SPATA31E1: variants seen among roughly 807,000 people sequenced by gnomAD.
The protein encoded by SPATA31E1 is SPATA31 subfamily E member 1.
A neutral mutation model predicts 12.9 loss-of-function variants in SPATA31E1; 7 were observed. The ratio of observed to expected loss-of-function variants is 0.54; its 90% CI spans 0.31 to 1.02. SPATA31E1 has a LOEUF of 1.02. Ranked by LOEUF, SPATA31E1 falls within the 50% of genes least tolerant of loss-of-function variation. The pLI is 0.05. For synonymous variants in SPATA31E1, 771 were observed against 719.0 expected (o/e 1.07, Z -1.16); for missense variants, 1,961 against 1,799.8 (o/e 1.09, Z -1.62).
chr9:87,884,900 T>A lies in SPATA31E1; in HGVS notation c.426-13T>A. The A allele has an allele frequency of 6.3e-7, 1 of 1,595,192 alleles. No individual in the cohort carries two copies. Among genetic ancestry groups the A allele is most frequent in the South Asian group, 1.1e-5 (1 of 88,624 alleles). ...TACCCCTGGCTGCAGCTTGTGCCTC[T>A]TGTCTCCTGCAGCCACCTGAGGAAG... On this transcript the variant is annotated splice_polypyrimidine_tract_variant and intron_variant, in intron 3 of 3. Coordinates refer to ENST00000325643, the MANE Select transcript of SPATA31E1 (RefSeq NM_178828.5).
chr9:87,883,885 C>A (rs1003879043), intron 1 of SPATA31E1, 107 bp from the exon 2 acceptor site: 107 of 1,236,680 alleles, frequency 8.7e-5, no homozygotes, highest in Non-Finnish European at 1.1e-4. Context: ...GCTCCCTGAG[C>A]TAGAGGCTGA....
Position 87,885,631 on chromosome 9 carries a change from G to GA in SPATA31E1, c.1147dup (p.Arg383LysfsTer42), listed in dbSNP as rs1275219756. The GA allele has an allele frequency of 6.2e-7, 1 of 1,613,788 alleles. No homozygotes were observed. Among genetic ancestry groups the GA allele is most frequent in the African/African-American group, 1.3e-5 (1 of 74,870 alleles). On this transcript the variant is annotated frameshift_variant, in exon 4 of 4. Transcript: ENST00000325643. LOFTEE classifies it low-confidence loss of function (END_TRUNC). ...ACTGATGAAGATGTGGCAGGAGAAA[G>GA]AAAGAAAACGGGCCGACCACCCGCA...
chr9:87,884,814 T>C lies in SPATA31E1; in HGVS notation c.426-99T>C, dbSNP rs527362990. On this transcript the variant is annotated intron_variant, in intron 3 of 3. Transcript: ENST00000325643. ...GGCAGAGCTTTATGAAGTCAGCAGTTGGGGAGGTGGAGGAACCGGGGGCCC... is the reference window on the plus strand; with the variant it reads ...GGCAGAGCTTTATGAAGTCAGCAGTCGGGGAGGTGGAGGAACCGGGGGCCC... 8 of 1,461,288 alleles carry C rather than the reference T, an allele frequency of 5.5e-6. No individual in the cohort carries two copies. In the African/African-American group the frequency reaches 7.0e-5, roughly 13 times the overall value. 90.5% of individuals were successfully genotyped at this position (1,461,288 alleles called of 1,614,324 possible).
chr9:87,887,994 C>G lies in SPATA31E1; in HGVS notation c.3507C>G (p.Ala1169=). ...TGACAGCTTCCCAGGGGCCATGTGC[C>G]CTCCTATGGAAGGGAGGGGACAGTC... ...KNMTASQGPC[A]LLWKGGDSPG... The change falls in exon 4 of 4, where the codon GCC becomes GCG. Residue 1169 remains alanine (A), a synonymous_variant. Coordinates refer to ENST00000325643, the MANE Select transcript of SPATA31E1 (RefSeq NM_178828.5). 6.2e-7 allele frequency: 1 copy of G among 1,613,652 alleles called. No homozygotes were observed. The highest frequency in any genetic ancestry group is 1.1e-5 in the South Asian group (1 of 91,082).
At position 87,887,064 on chromosome 9, in the gene SPATA31E1, T is replaced by G; in HGVS notation, c.2577T>G (p.Asn859Lys). ...GTDLQSLEPI[N>K]VWSGEAQAPP... is the part of the protein sequence containing the mutation. ...ACCTCCAGTCCCTGGAGCCCATAAATGTCTGGTCAGGTGAGGCTCAGGCCC... is the reference window on the plus strand; with the variant it reads ...ACCTCCAGTCCCTGGAGCCCATAAAGGTCTGGTCAGGTGAGGCTCAGGCCC... Residue 859 changes from asparagine to lysine, a missense_variant, in exon 4 of 4, where the codon AAT (asparagine) becomes AAG (lysine). Asn to Lys is a moderately conservative substitution (Grantham distance 94, BLOSUM62 0). Transcript: ENST00000325643. The G allele has an allele frequency of 6.2e-7, 1 of 1,614,060 alleles. No individual in the cohort carries two copies. Among genetic ancestry groups the G allele is most frequent in the Non-Finnish European group, 8.5e-7 (1 of 1,179,990 alleles).
chr9:87,887,593 C>G lies in SPATA31E1; in HGVS notation c.3106C>G (p.Leu1036Val), dbSNP rs747671344. The change falls in exon 4 of 4, where the codon CTG becomes GTG. Residue 1036 changes from leucine (L) to valine (V), a missense_variant. Coordinates refer to ENST00000325643, the MANE Select transcript of SPATA31E1 (RefSeq NM_178828.5). ...WARAEDALQA[L>V]KVGEKPPTWE... The stretch of plus-strand genomic sequence containing the variant: ...AAGGGCTGAAGATGCCCTGCAGGCA[C>G]TGAAAGTGGGGGAGAAGCCCCCAAC... The G allele has an allele frequency of 3.7e-6, 6 of 1,614,162 alleles. No homozygotes were observed. In the Admixed American group the frequency reaches 8.3e-5, roughly 22 times the overall value.
At position 87,884,941 on chromosome 9, in the gene SPATA31E1, A is replaced by C. The variant is rs760878036; in HGVS notation, c.454A>C (p.Ser152Arg). The C allele has an allele frequency of 6.2e-7, 1 of 1,611,188 alleles. No homozygotes were observed. The highest frequency in any genetic ancestry group is 8.5e-7 in the Non-Finnish European group (1 of 1,177,972). ...SHLRKLAGEG[S>R]SHLPLGGDPL... ...CCTGAGGAAGCTCGCTGGCGAAGGCAGCTCCCACCTGCCCTTAGGTGGAGA... is the reference window on the plus strand; with the variant it reads ...CCTGAGGAAGCTCGCTGGCGAAGGCCGCTCCCACCTGCCCTTAGGTGGAGA... Residue 152 changes from serine (S) to arginine (R), a missense_variant, in exon 4 of 4, where the codon AGC (serine) becomes CGC (arginine). Ser to Arg is a moderately radical substitution (Grantham distance 110, BLOSUM62 -1). Transcript: ENST00000325643.
rs756042412 is a variant in SPATA31E1 at position 87,886,956 on chromosome 9, G to A, written c.2469G>A (p.Glu823=). ...GGKAHVNTSQ[E]LSFLHPCTQQ... The stretch of plus-strand genomic sequence containing the variant: ...AAGCCCACGTGAACACCTCCCAGGA[G>A]CTTTCCTTCCTCCATCCCTGCACCC... Residue 823 remains glutamate, a synonymous_variant, in exon 4 of 4, where the codon GAG becomes GAA. Coordinates refer to ENST00000325643, the MANE Select transcript of SPATA31E1 (RefSeq NM_178828.5). 1 of 1,614,104 alleles carries A rather than the reference G, an allele frequency of 6.2e-7. No homozygotes were observed. The highest frequency in any genetic ancestry group is 8.5e-7 in the Non-Finnish European group (1 of 1,180,014).
chr9:87,888,862 C>A lies in SPATA31E1; in HGVS notation c.*37C>A. 2 of 1,534,640 alleles carry A rather than the reference C, an allele frequency of 1.3e-6. No individual in the cohort carries two copies. Among genetic ancestry groups the A allele is most frequent in the Non-Finnish European group, 1.7e-6 (2 of 1,145,710 alleles). On this transcript the variant is annotated 3_prime_UTR_variant, in exon 4 of 4. Transcript: ENST00000325643. ...CTTCTTGCATGTCTCCTGGGGGAGA[C>A]AGGGGGTTCTACTCAAATAAAACTG...
chr9:87,883,493 C>G (rs1464595562), intron 1 of SPATA31E1, among the ~76,000 whole-genome samples: 2 of 152,180 alleles, frequency 1.3e-5, no homozygotes, highest in African/African-American at 4.8e-5. Flanking sequence ...CCTGGCTCAT[C>G]ACCCCCTTCC....
At position 87,885,842 on chromosome 9, in the gene SPATA31E1, C is replaced by T. The variant is rs144913666; in HGVS notation, c.1355C>T (p.Ala452Val). The T allele has an allele frequency of 1.1e-5, 17 of 1,613,716 alleles. No homozygotes were observed. In the African/African-American group the frequency reaches 1.3e-4, roughly 13 times the overall value. The change falls in exon 4 of 4, where the codon GCG becomes GTG. Residue 452 changes from alanine (A) to valine (V), a missense_variant. Coordinates refer to ENST00000325643, the MANE Select transcript of SPATA31E1 (RefSeq NM_178828.5). Reference sequence around the variant, plus strand: ...CCCTCTCTCAATAGCGAGTCCCTGGCGACCACAGTCTGGGTTTCTAGGAAC... The same window carrying T: ...CCCTCTCTCAATAGCGAGTCCCTGGTGACCACAGTCTGGGTTTCTAGGAAC... ...DLPSLNSESLATTVWVSRNPS... is the reference protein window; with the variant it reads ...DLPSLNSESLVTTVWVSRNPS...
At chr9:87,883,559 A>G (rs1446736178) in intron 1 of SPATA31E1, among the ~76,000 whole-genome samples, 2 of 152,052 alleles carry the variant, frequency 1.3e-5, no homozygotes, top group African/African-American at 4.8e-5. Flanking sequence ...GTGATCTGGG[A>G]GCTGTGCTGA....
In SPATA31E1 at chr9:87,885,832, G is replaced by A. The variant is rs141085408; in HGVS notation, c.1345G>A (p.Glu449Lys). ...LFWDLPSLNS[E>K]SLATTVWVSR... is the part of the protein sequence containing the mutation. ...CTGGGACCTCCCCTCTCTCAATAGC[G>A]AGTCCCTGGCGACCACAGTCTGGGT... Residue 449 changes from glutamate (E) to lysine (K), a missense_variant, in exon 4 of 4, where the codon GAG becomes AAG. Transcript: ENST00000325643. 1.0e-4 allele frequency: 165 copies of A among 1,613,772 alleles called. 1 individual carries two copies. The African/African-American group carries it at 1.5e-3, about 15-fold the overall frequency.
In SPATA31E1 at chr9:87,884,822, T is replaced by C. The variant is rs1368608902; in HGVS notation, c.426-91T>C. 7 of 1,472,602 alleles carry C rather than the reference T, an allele frequency of 4.8e-6. No homozygotes were observed. The East Asian group carries it at 1.2e-4, about 25-fold the overall frequency. The allele number at this position is 1,472,602 out of a possible 1,614,324, so 91.2% of individuals were successfully genotyped here. ...TTTATGAAGTCAGCAGTTGGGGAGG[T>C]GGAGGAACCGGGGGCCCCAGGTGCC... is the stretch of plus-strand genomic sequence containing the variant. On this transcript the variant is annotated intron_variant, in intron 3 of 3. Transcript: ENST00000325643.
In SPATA31E1 at chr9:87,884,579, C is replaced by A. The variant is rs1436296211; in HGVS notation, c.365-12C>A. On this transcript the variant is annotated splice_polypyrimidine_tract_variant and intron_variant, in intron 2 of 3. Coordinates refer to ENST00000325643, the MANE Select transcript of SPATA31E1 (RefSeq NM_178828.5). ...CGCCCTCTCCACCATAACCCTGTCT[C>A]CTGATTTCCAGCTTGCAGAATCCTC... 6.2e-7 allele frequency: 1 copy of A among 1,614,012 alleles called. No homozygotes were observed. The highest frequency in any genetic ancestry group is 8.5e-7 in the Non-Finnish European group (1 of 1,180,008).
chr9:87,883,751 G>A (rs547910495), intron 1 of SPATA31E1, among the ~76,000 whole-genome samples: 17 of 152,360 alleles, frequency 1.1e-4, no homozygotes, highest in East Asian at 5.8e-4. Context: ...TTCCTTGAGC[G>A]GAGGAGCAGG....
Position 87,888,096 on chromosome 9 carries a change from G to A in SPATA31E1, c.3609G>A (p.Lys1203=). 1 of 1,601,962 alleles carries A rather than the reference G, an allele frequency of 6.2e-7. No homozygotes were observed. The change falls in exon 4 of 4, where the codon AAG becomes AAA. Residue 1203 remains lysine (K), a synonymous_variant. Coordinates refer to ENST00000325643, the MANE Select transcript of SPATA31E1 (RefSeq NM_178828.5). ...AGAAGACGCTGGGCTGTGCGGACAA[G>A]GGCGAGGCCCACAGGAGGCCCAGAA... ...KSQKTLGCAD[K]GEAHRRPRTG...
Position 87,883,000 on chromosome 9 carries a change from G to A in SPATA31E1, c.109G>A (p.Asp37Asn), listed in dbSNP as rs151138751. Residue 37 changes from aspartate to asparagine, a missense_variant, in exon 1 of 4, where the codon GAC (aspartate) becomes AAC (asparagine). Transcript: ENST00000325643. ...PRPSVECTGD[D>N]IALQMEKMLF... ...ACCATCTGTGGAGTGCACAGGAGACGACATTGCACTTCAGATGGAGAAAAT... is the reference window on the plus strand; with the variant it reads ...ACCATCTGTGGAGTGCACAGGAGACAACATTGCACTTCAGATGGAGAAAAT... The A allele has an allele frequency of 1.7e-5, 27 of 1,612,816 alleles. No homozygotes were observed. Among genetic ancestry groups the A allele is most frequent in the Non-Finnish European group, 2.0e-5 (24 of 1,179,742 alleles).
At position 87,886,584 on chromosome 9, in the gene SPATA31E1, C is replaced by T. The variant is rs546151206; in HGVS notation, c.2097C>T (p.Ser699=). ...KDVQKTGFRS[S]GRFSDKGCLG... is the part of the protein sequence containing the mutation. The stretch of plus-strand genomic sequence containing the variant: ...TGCAGAAGACCGGGTTCAGGAGCTC[C>T]GGAAGGTTCTCTGACAAGGGGTGCT... Residue 699 remains serine (S), a synonymous_variant, in exon 4 of 4, where the codon TCC becomes TCT. Coordinates refer to ENST00000325643, the MANE Select transcript of SPATA31E1 (RefSeq NM_178828.5). 1.9e-5 allele frequency: 30 copies of T among 1,614,014 alleles called. No individual in the cohort carries two copies. Among genetic ancestry groups the T allele is most frequent in the South Asian group, 4.4e-5 (4 of 91,074 alleles).
Sources: gnomAD v4.1 joint callset for allele counts (sites outside exome capture counted in the v4.1 genomes callset) on GRCh38, gnomAD v4.1.1 for gene constraint, MANE v1.5 for transcripts, NCBI Gene and HGNC (gene_info 2026-07-23, HGNC 2026-07-21) for gene names.